Variants in FUBP3 observed in about 807,000 individuals in gnomAD.
The protein encoded by FUBP3 is far upstream element-binding protein 3.
In FUBP3, 28 loss-of-function variants were observed where a neutral mutation model predicts 85.6. The observed-to-expected ratio is 0.33, with a 90% CI of 0.24 to 0.45. The LOEUF is 0.45. Ranked by LOEUF, FUBP3 falls within the 20% of genes least tolerant of loss-of-function variation. FUBP3 has a pLI of 1.00. For missense variants in FUBP3, 583 were observed against 755.1 expected, an observed-to-expected ratio of 0.77 and a Z score of 2.67; for synonymous variants, 271 against 271.4, an observed-to-expected ratio of 1.00 and a Z score of 0.01.
Position 130,589,673 on chromosome 9 carries a change from GTGTATATA to G in FUBP3, c.85-5808_85-5801del, listed in dbSNP as rs1239798513. 8.0e-3 allele frequency among the ~76,000 whole-genome samples: 227 copies of G among 28,304 alleles called. 5 individuals are homozygous for G. The highest frequency in any genetic ancestry group is 0.028 in the African/African-American group (215 of 7,618). The allele number at this position is 28,304 out of a possible 152,430, so 18.6% of individuals were successfully genotyped here. ...TTATTTTAAATATGTATGTATGTGT[GTGTATATA>G]TATATATATATATATATATATATAT... On this transcript the variant is annotated intron_variant, in intron 1 of 18. Coordinates refer to ENST00000319725, the MANE Select transcript of FUBP3 (RefSeq NM_003934.2).
At chr9:130,600,124 C>CCTCCCTCCCTCT (rs1831082767) in intron 2 of FUBP3, among the ~76,000 whole-genome samples, 1 of 141,492 alleles carries the variant, frequency 7.1e-6, no homozygotes, top group African/African-American at 2.7e-5. Context: ...TCCCTCCCTC[C>CCTCCCTCCCTCT]CTCTTTCCCC....
In FUBP3 at chr9:130,612,716, G is replaced by A. The variant is rs1456302271; in HGVS notation, c.274+211G>A. Among the ~76,000 whole-genome samples the A allele has an allele frequency of 6.6e-5, 10 of 152,160 alleles. No homozygotes were observed. Among genetic ancestry groups the A allele is most frequent in the Admixed American group, 6.5e-4 (10 of 15,284 alleles). On this transcript the variant is annotated intron_variant, in intron 4 of 18. Transcript: ENST00000319725. The surrounding 1 kb of genome is among the most constrained non-coding windows in gnomAD (Gnocchi z 4.1). ...GGGAGAAACCAGAGCACTGGACTGT[G>A]GATGTCCCTCCCTTCCCCACCTCTC... is the stretch of plus-strand genomic sequence containing the variant.
At chr9:130,629,851 A>G (rs889023929) in intron 12 of FUBP3, among the ~76,000 whole-genome samples, 3 of 152,198 alleles carry the variant, frequency 2.0e-5, no homozygotes, top group Non-Finnish European at 4.4e-5. Context: ...TCCCCCACAG[A>G]GTTGAGCAGA....
intron 2 of FUBP3, among the ~76,000 whole-genome samples, chr9:130,607,211 A>G (rs1016914285): frequency 6.6e-6 from 1 of 151,210 alleles, no homozygotes; most frequent in Non-Finnish European, 1.5e-5. Context: ...GCCTCAAGTT[A>G]TCTGCCTGCC....
chr9:130,617,230 A>G (rs1027407757), intron 7 of FUBP3, among the ~76,000 whole-genome samples: 1 of 152,252 alleles, frequency 6.6e-6, no homozygotes, highest in Non-Finnish European at 1.5e-5. Flanking sequence ...CAAATGAATT[A>G]TAAGTAAACT....
At position 130,635,941 on chromosome 9, in the gene FUBP3, G is replaced by A; in HGVS notation, c.1583-58G>A. On this transcript the variant is annotated intron_variant, in intron 17 of 18. Transcript: ENST00000319725. This position sits in a 1 kb window ranked among gnomAD's most constrained non-coding sequence, Gnocchi z 4.3. ...GCAGATGCCCAGGGCCTTTGGGAAG[G>A]GTCCTGCCCAGTGCACCTCCGCTCC... The A allele has an allele frequency of 6.4e-7, 1 of 1,561,644 alleles. No homozygotes were observed. The highest frequency in any genetic ancestry group is 8.7e-7 in the Non-Finnish European group (1 of 1,149,758).
At chr9:130,614,397 A>T in intron 6 of FUBP3, 52 bp downstream of exon 6, 15 of 1,086,534 alleles carry the variant, frequency 1.4e-5, no homozygotes, top group Non-Finnish European at 2.0e-5. Flanking sequence ...CCTTCCCCAA[A>T]TGGGGAGAAA....
intron 2 of FUBP3, among the ~76,000 whole-genome samples, chr9:130,601,540 A>G (rs572961179): frequency 6.6e-6 from 1 of 152,258 alleles, no homozygotes; most frequent in Admixed American, 6.5e-5. Flanking sequence ...GGGTAAGGCC[A>G]TGCAAGGGGC....
At chr9:130,606,084 C>T (rs984973942) in intron 2 of FUBP3, among the ~76,000 whole-genome samples, 3 of 152,150 alleles carry the variant, frequency 2.0e-5, no homozygotes, top group Non-Finnish European at 4.4e-5. Context: ...ATTATGCTTG[C>T]CAAAGGACTT....
chr9:130,629,697 C>T (rs1368381157), intron 12 of FUBP3, among the ~76,000 whole-genome samples: 1 of 152,086 alleles, frequency 6.6e-6, no homozygotes, highest in African/African-American at 2.4e-5. Context: ...GAGGAGGGGC[C>T]GACACTGGCC....
intron 11 of FUBP3, among the ~76,000 whole-genome samples, chr9:130,625,066 G>A (rs943105788): frequency 6.6e-6 from 1 of 152,144 alleles, no homozygotes; most frequent in African/African-American, 2.4e-5. Flanking sequence ...AAAATTAGCC[G>A]GGCGTGGTGG....
At chr9:130,607,200 G>C (rs1588137829) in intron 2 of FUBP3, among the ~76,000 whole-genome samples, 1 of 151,672 alleles carries the variant, frequency 6.6e-6, no homozygotes. Context: ...TCGAACTCCT[G>C]GCCTCAAGTT....
chr9:130,617,790 C>T lies in FUBP3; in HGVS notation c.568-7C>T, dbSNP rs1471667303. ...CATGAGGCTGTGCTGGTGTGTGTTC[C>T]CCACAGGAGCGGACAGGGGTGAAGA... On this transcript the variant is annotated splice_region_variant and splice_polypyrimidine_tract_variant and intron_variant, in intron 7 of 18. Coordinates refer to ENST00000319725, the MANE Select transcript of FUBP3 (RefSeq NM_003934.2). The T allele has an allele frequency of 5.2e-6, 8 of 1,549,314 alleles. No individual in the cohort carries two copies. Among genetic ancestry groups the T allele is most frequent in the Non-Finnish European group, 7.1e-6 (8 of 1,121,000 alleles).
chr9:130,609,092 G>C (rs1338270718), intron 2 of FUBP3, among the ~76,000 whole-genome samples: 1 of 152,154 alleles, frequency 6.6e-6, no homozygotes, highest in Non-Finnish European at 1.5e-5. Flanking sequence ...TTTAGGATTT[G>C]TATTTTTTCA....
chr9:130,623,727 C>T lies in FUBP3; in HGVS notation c.975+16C>T, dbSNP rs760450676. 3.2e-6 allele frequency: 5 copies of T among 1,560,782 alleles called. No individual in the cohort carries two copies. In the South Asian group the frequency reaches 4.4e-5, roughly 14 times the overall value. ...TACAGCCCAGGTGGGTCCAGCTCTGCAGAGTGTGAGTGTTTGGGCTGCAGA... is the reference window on the plus strand; with the variant it reads ...TACAGCCCAGGTGGGTCCAGCTCTGTAGAGTGTGAGTGTTTGGGCTGCAGA... On this transcript the variant is annotated intron_variant, in intron 11 of 18. Transcript: ENST00000319725.
intron 1 of FUBP3, among the ~76,000 whole-genome samples, chr9:130,589,699 A>ATTT (rs1374682144): frequency 4.2e-4 from 12 of 28,588 alleles, no homozygotes; most frequent in African/African-American, 2.1e-3. Flanking sequence ...ATATATATAT[A>ATTT]TATATATTTT....
In FUBP3 at chr9:130,595,474, T is replaced by C; in HGVS notation, c.85-9T>C. The C allele has an allele frequency of 1.5e-6, 2 of 1,337,152 alleles. No homozygotes were observed. The highest frequency in any genetic ancestry group is 2.2e-6 in the Non-Finnish European group (2 of 926,800). 82.8% of individuals were successfully genotyped at this position (1,337,152 alleles called of 1,614,324 possible). A position where few individuals can be genotyped will look rare whatever the true frequency, so the allele number is the denominator to read the frequency against. On this transcript the variant is annotated splice_polypyrimidine_tract_variant and intron_variant, in intron 1 of 18. Transcript: ENST00000319725. Reference sequence around the variant, plus strand: ...GTTACTGAGTGTTTAAATCTGATTCTCTCTGTAGATTGCTGCTAAAATTGA... The same window carrying C: ...GTTACTGAGTGTTTAAATCTGATTCCCTCTGTAGATTGCTGCTAAAATTGA...
chr9:130,582,745 A>G lies in FUBP3; in HGVS notation c.84+2981A>G, dbSNP rs1316552. ...TATGTTGTTCCATTCTCCTAAAAAT[A>G]TTTTTAAATGTTCCTAGAAGGTCTA... On this transcript the variant is annotated intron_variant, in intron 1 of 18. Coordinates refer to ENST00000319725, the MANE Select transcript of FUBP3 (RefSeq NM_003934.2). Among the ~76,000 whole-genome samples, 720 of 152,304 alleles carry G rather than the reference A, an allele frequency of 4.7e-3. 5 individuals are homozygous for G. The highest frequency in any genetic ancestry group is 0.013 in the African/African-American group (527 of 41,558).
intron 18 of FUBP3, among the ~76,000 whole-genome samples, chr9:130,636,496 T>G (rs1305573270): frequency 6.6e-6 from 1 of 152,170 alleles, no homozygotes. Context: ...GCGACTGCTC[T>G]CGAGGAGGGT....
Sources: gnomAD v4.1 joint callset for allele counts (sites outside exome capture counted in the v4.1 genomes callset) on GRCh38, gnomAD v4.1.1 for gene constraint, Gnocchi (gnomAD v3.1) non-coding constraint, MANE v1.5 for transcripts, NCBI Gene and HGNC (gene_info 2026-07-23, HGNC 2026-07-21) for gene names.